ZNF385D: variants seen among roughly 807,000 people sequenced by gnomAD.
ZNF385D encodes zinc finger protein 385D.
A neutral mutation model predicts 35.8 loss-of-function variants in ZNF385D; 15 were observed. That is an observed-to-expected ratio of 0.42 (90% CI 0.28 to 0.64). The LOEUF (loss-of-function observed/expected upper bound fraction) is 0.64. Among genes scored for constraint, ZNF385D ranks in the 30% least tolerant of loss-of-function variants. ZNF385D has a pLI of 0.23. For synonymous variants in ZNF385D, 212 were observed against 186.8 expected (o/e 1.13, Z -1.10); for missense variants, 474 against 494.6 (o/e 0.96, Z 0.39).
intron 2 of ZNF385D, among the ~76,000 whole-genome samples, chr3:21,621,460 G>A (rs1018621709): frequency 2.6e-5 from 4 of 151,878 alleles, no homozygotes; most frequent in Non-Finnish European, 4.4e-5. Flanking sequence ...GCAGGCCACA[G>A]CAGTGGCTAC....
intron 2 of ZNF385D, among the ~76,000 whole-genome samples, chr3:22,323,187 G>A (rs1694522518): frequency 6.6e-6 from 1 of 152,112 alleles, no homozygotes; most frequent in Non-Finnish European, 1.5e-5. Flanking sequence ...AGATTTTTGA[G>A]TTAATATCAA....
chr3:21,538,519 G>A (rs1342881151), intron 3 of ZNF385D, among the ~76,000 whole-genome samples: 1 of 152,028 alleles, frequency 6.6e-6, no homozygotes, highest in Non-Finnish European at 1.5e-5. Context: ...TAACTTCAGT[G>A]GAATCTCTGC....
At chr3:21,989,143 C>CG (rs1157261999) in intron 3 of ZNF385D, among the ~76,000 whole-genome samples, 1 of 152,108 alleles carries the variant, frequency 6.6e-6, no homozygotes, top group Admixed American at 6.5e-5. Flanking sequence ...AGCTGTAGAC[C>CG]GGAGCTGTTC....
intron 3 of ZNF385D, among the ~76,000 whole-genome samples, chr3:21,827,028 A>C (rs1400733799): frequency 6.6e-6 from 1 of 152,138 alleles, no homozygotes; most frequent in African/African-American, 2.4e-5. Context: ...TAGGTTGTGC[A>C]AAAGTAATTT....
chr3:21,524,668 C>T (rs1708118527), intron 3 of ZNF385D, among the ~76,000 whole-genome samples: 5 of 152,116 alleles, frequency 3.3e-5, no homozygotes, highest in Admixed American at 2.0e-4. Context: ...AGAGGGGATT[C>T]GTAAAGTCCA....
At chr3:21,760,545 A>T (rs1317390778) in intron 3 of ZNF385D, among the ~76,000 whole-genome samples, 1 of 152,214 alleles carries the variant, frequency 6.6e-6, no homozygotes, top group Non-Finnish European at 1.5e-5. Context: ...AAAATTATAA[A>T]ATCATGGGAA....
chr3:21,879,610 T>C (rs1698169962), intron 3 of ZNF385D, among the ~76,000 whole-genome samples: 1 of 152,008 alleles, frequency 6.6e-6, no homozygotes, highest in Non-Finnish European at 1.5e-5. Context: ...AACGCTTTTC[T>C]CACCGCTGTT....
chr3:22,090,041 T>A (rs2125599921), intron 3 of ZNF385D, among the ~76,000 whole-genome samples: 1 of 152,242 alleles, frequency 6.6e-6, no homozygotes, highest in African/African-American at 2.4e-5. Flanking sequence ...GGTTTCACCA[T>A]GTTGGCCAGG....
intron 3 of ZNF385D, among the ~76,000 whole-genome samples, chr3:22,012,198 G>C (rs900507345): frequency 3.3e-5 from 5 of 152,102 alleles, no homozygotes; most frequent in African/African-American, 1.2e-4. Context: ...TTCTTGAGAG[G>C]ATATATGACA....
chr3:22,336,294 G>T (rs1019218667), intron 2 of ZNF385D, among the ~76,000 whole-genome samples: 8 of 152,044 alleles, frequency 5.3e-5, no homozygotes, highest in Non-Finnish European at 1.2e-4. Context: ...GTTCTTTTAG[G>T]GTGATGCCTG....
At chr3:22,143,326 T>G (rs1704646007) in intron 3 of ZNF385D, among the ~76,000 whole-genome samples, 1 of 152,086 alleles carries the variant, frequency 6.6e-6, no homozygotes, top group Non-Finnish European at 1.5e-5. Context: ...CCTCCTGATC[T>G]GCCCGCCTCG....
At chr3:21,679,135 G>A (rs2066820121) in intron 1 of ZNF385D, among the ~76,000 whole-genome samples, 1 of 151,746 alleles carries the variant, frequency 6.6e-6, no homozygotes, top group Non-Finnish European at 1.5e-5. Flanking sequence ...GTGTTTTCAT[G>A]TCCAAAGGAA....
At chr3:21,603,097 C>G (rs1575298145) in intron 2 of ZNF385D, among the ~76,000 whole-genome samples, 1 of 152,014 alleles carries the variant, frequency 6.6e-6, no homozygotes, top group East Asian at 1.9e-4. Context: ...GTTTATTTAC[C>G]AAAATAAAAT....
At chr3:21,817,065 C>G (rs1056519375) in intron 3 of ZNF385D, among the ~76,000 whole-genome samples, 17 of 152,104 alleles carry the variant, frequency 1.1e-4, no homozygotes, top group Admixed American at 1.1e-3. Context: ...ACAAACCTGA[C>G]AAAAACAAGA....
intron 2 of ZNF385D, among the ~76,000 whole-genome samples, chr3:22,340,512 G>T (rs1367943862): frequency 6.6e-6 from 1 of 152,110 alleles, no homozygotes; most frequent in Non-Finnish European, 1.5e-5. Flanking sequence ...TGGGTGATGT[G>T]GTGCACGCCT....
At chr3:21,602,742 C>T (rs1424035498) in intron 2 of ZNF385D, among the ~76,000 whole-genome samples, 1 of 150,728 alleles carries the variant, frequency 6.6e-6, no homozygotes, top group Non-Finnish European at 1.5e-5. Context: ...ACCTTGTTAG[C>T]CAGGATGGTC....
intron 3 of ZNF385D, among the ~76,000 whole-genome samples, chr3:21,932,127 C>A (rs9814651): frequency 1 from 144,754 of 144,754 alleles, 72,377 homozygotes; most frequent in Non-Finnish European, 1. Context: ...AGATAGCGCC[C>A]CTGCACTCCG....
At chr3:22,050,178 C>G (rs536339909) in intron 3 of ZNF385D, among the ~76,000 whole-genome samples, 1 of 145,750 alleles carries the variant, frequency 6.9e-6, no homozygotes, top group Admixed American at 6.9e-5. Context: ...CCAGCCTGGG[C>G]AAAAAAGGAA....
At chr3:22,008,485 T>C (rs530893784) in intron 3 of ZNF385D, among the ~76,000 whole-genome samples, 1 of 151,814 alleles carries the variant, frequency 6.6e-6, no homozygotes, top group Non-Finnish European at 1.5e-5. Context: ...TCCCGAGTAG[T>C]AGCTGGGACT....
Sources: allele counts gnomAD v4.1 joint callset (sites outside exome capture counted in the v4.1 genomes callset), GRCh38; gene constraint gnomAD v4.1.1; transcripts MANE v1.5; gene names NCBI Gene and HGNC (gene_info 2026-07-23, HGNC 2026-07-21).